Variants in ULK4 observed in about 807,000 individuals in gnomAD.
The protein encoded by ULK4 is unc-51 like kinase 4, also known as inactive serine/threonine-protein kinase ULK4.
A neutral mutation model predicts 160.6 loss-of-function variants in ULK4; 133 were observed. The ratio of observed to expected loss-of-function variants is 0.83; its 90% CI spans 0.72 to 0.96. The LOEUF (loss-of-function observed/expected upper bound fraction) is 0.96. Among genes scored for constraint, ULK4 ranks in the 40% least tolerant of loss-of-function variants. ULK4 has a pLI of 0.00. For missense variants in ULK4, 1,580 were observed against 1,499.5 expected, an observed-to-expected ratio of 1.05 and a Z score of -0.89; for synonymous variants, 534 against 539.8, an observed-to-expected ratio of 0.99 and a Z score of 0.15.
intron 30 of ULK4, among the ~76,000 whole-genome samples, chr3:41,656,642 CTGTA>C (rs767505586): frequency 6.6e-6 from 1 of 152,130 alleles, no homozygotes; most frequent in Non-Finnish European, 1.5e-5. Context: ...AGACAGGTGA[CTGTA>C]TGGCCAGAAG....
At chr3:41,673,944 G>C (rs796406272) in intron 29 of ULK4, among the ~76,000 whole-genome samples, 60 of 152,172 alleles carry the variant, frequency 3.9e-4, no homozygotes, top group African/African-American at 1.4e-3. Flanking sequence ...TCACTGAGGG[G>C]CGGGAATTTA....
At chr3:41,307,378 T>A (rs2079967942) in intron 35 of ULK4, among the ~76,000 whole-genome samples, 1 of 152,182 alleles carries the variant, frequency 6.6e-6, no homozygotes, top group African/African-American at 2.4e-5. Context: ...TAGGTGCTTT[T>A]TTCTTTTAAA....
chr3:41,256,955 A>G (rs115659718), intron 35 of ULK4, among the ~76,000 whole-genome samples: 3,068 of 152,294 alleles, frequency 0.02, 98 homozygotes, highest in African/African-American at 0.07. Flanking sequence ...CCTGGGCTCA[A>G]GCAATCTTCT....
chr3:41,519,264 C>T (rs963133210), intron 32 of ULK4, among the ~76,000 whole-genome samples: 5 of 152,144 alleles, frequency 3.3e-5, no homozygotes, highest in African/African-American at 1.2e-4. Flanking sequence ...CAGCAAGCAC[C>T]TCCTCTGTGC....
rs965737573 is a variant in ULK4 at position 41,495,805 on chromosome 3, G to A, written c.3227-32552C>T. ...ACACTTCTCAAAAGAAGACATTTACGCAGCCAAAAGACACATGAAAAAATG... is the reference window on the plus strand; with the variant it reads ...ACACTTCTCAAAAGAAGACATTTACACAGCCAAAAGACACATGAAAAAATG... On this transcript the variant is annotated intron_variant, in intron 32 of 36. Transcript: ENST00000301831. Among the ~76,000 whole-genome samples, 5 of 151,688 alleles carry A rather than the reference G, an allele frequency of 3.3e-5. No homozygotes were observed. The East Asian group carries it at 7.7e-4, about 23-fold the overall frequency.
At chr3:41,661,515 GATAGATAGATAGATAA>G (rs2035163983) in intron 30 of ULK4, among the ~76,000 whole-genome samples, 3 of 150,164 alleles carry the variant, frequency 2.0e-5, no homozygotes, top group African/African-American at 7.4e-5. Flanking sequence ...ATAGATGATA[GATAGATAGATAGATAA>G]ATAGATAGAT....
intron 3 of ULK4, 39 bp from the exon 4 acceptor site, chr3:41,935,979 T>A: frequency 6.4e-7 from 1 of 1,551,508 alleles, no homozygotes. Flanking sequence ...TTCAACCCCC[T>A]ACCATCACAG....
chr3:41,709,915 G>A (rs1461094755), intron 25 of ULK4, among the ~76,000 whole-genome samples: 1 of 152,074 alleles, frequency 6.6e-6, no homozygotes, highest in Admixed American at 6.6e-5. Context: ...TCCCTTCTGT[G>A]TAATTCTCTT....
In ULK4 at chr3:41,463,235, C is replaced by G; in HGVS notation, c.3245G>C (p.Cys1082Ser). 2.5e-6 allele frequency: 4 copies of G among 1,613,188 alleles called. No individual in the cohort carries two copies. Among genetic ancestry groups the G allele is most frequent in the Non-Finnish European group, 3.4e-6 (4 of 1,179,428 alleles). ...LYEQGLVSHI[C>S]NLLTETATLC... ...TGTGGCAGTTTCAGTGAGCAGGTTA[C>G]AGATGTGACTGACAAGTCCTGAGGG... is the stretch of plus-strand genomic sequence containing the variant. The change falls in exon 33 of 37, where the codon TGT (cysteine) becomes TCT (serine). Residue 1082 changes from cysteine (C) to serine (S), a missense_variant. Coordinates refer to ENST00000301831, the MANE Select transcript of ULK4 (RefSeq NM_017886.4).
intron 20 of ULK4, among the ~76,000 whole-genome samples, chr3:41,793,035 T>C (rs1265879928): frequency 1.3e-5 from 2 of 152,152 alleles, no homozygotes; most frequent in African/African-American, 4.8e-5. Flanking sequence ...TAGCCGCACC[T>C]GCTGGCGGGT....
intron 32 of ULK4, among the ~76,000 whole-genome samples, chr3:41,499,963 G>A (rs1370434031): frequency 1.3e-5 from 2 of 152,086 alleles, no homozygotes; most frequent in African/African-American, 4.8e-5. Flanking sequence ...CAAATTTACT[G>A]ATATAATATT....
chr3:41,314,453 T>G (rs1453366222), intron 35 of ULK4, among the ~76,000 whole-genome samples: 3 of 152,210 alleles, frequency 2.0e-5, no homozygotes, highest in Non-Finnish European at 4.4e-5. Context: ...CATGTGATAT[T>G]TGACTTTCTG....
At chr3:41,845,788 A>T (rs1242018980) in intron 17 of ULK4, among the ~76,000 whole-genome samples, 1 of 152,190 alleles carries the variant, frequency 6.6e-6, no homozygotes, top group South Asian at 2.1e-4. Context: ...TCTCATGTTG[A>T]AATTTGATCC....
At chr3:41,687,298 A>C (rs1408161879) in intron 27 of ULK4, among the ~76,000 whole-genome samples, 1 of 152,026 alleles carries the variant, frequency 6.6e-6, no homozygotes, top group Non-Finnish European at 1.5e-5. Context: ...ACTTGAACCC[A>C]GGAAGCAGAG....
chr3:41,254,951 AG>A (rs1393146493), intron 35 of ULK4, among the ~76,000 whole-genome samples: 4 of 152,064 alleles, frequency 2.6e-5, no homozygotes, highest in Non-Finnish European at 1.5e-5. Flanking sequence ...CAAACTGGGA[AG>A]AAAACAAGAG....
At chr3:41,681,892 C>A (rs1293766553) in intron 27 of ULK4, 88 bp from the exon 28 acceptor site, 1 of 1,460,394 alleles carries the variant, frequency 6.8e-7, no homozygotes, top group Non-Finnish European at 9.5e-7. Context: ...CAGACAGAAT[C>A]CCTAATCAAA....
chr3:41,772,281 G>C (rs1430153736), intron 21 of ULK4, among the ~76,000 whole-genome samples: 3 of 152,110 alleles, frequency 2.0e-5, no homozygotes, highest in Non-Finnish European at 4.4e-5. Context: ...GAATCCAGGA[G>C]CTGGTTTTTT....
chr3:41,854,988 C>G lies in ULK4; in HGVS notation c.1657-19017G>C, dbSNP rs144304633. ...AAAAAAAAAAAAACTATCGGGATCACAAGAGATAACAATGCATACGTCATC... is the reference window on the plus strand; with the variant it reads ...AAAAAAAAAAAAACTATCGGGATCAGAAGAGATAACAATGCATACGTCATC... On this transcript the variant is annotated intron_variant, in intron 17 of 36. Coordinates refer to ENST00000301831, the MANE Select transcript of ULK4 (RefSeq NM_017886.4). The G allele has an allele frequency of 6.9e-5, 10 of 144,134 alleles. No individual in the cohort carries two copies. The East Asian group carries it at 2.1e-3, about 30-fold the overall frequency. The allele number at this position is 144,134 out of a possible 1,614,324, so 8.9% of individuals were successfully genotyped here.
At chr3:41,781,868 G>A (rs1283919834) in intron 21 of ULK4, among the ~76,000 whole-genome samples, 3 of 152,130 alleles carry the variant, frequency 2.0e-5, no homozygotes, top group African/African-American at 7.2e-5. Context: ...GAACCCGGGA[G>A]GCGGAGGTTG....
Sources: allele counts gnomAD v4.1 joint callset (sites outside exome capture counted in the v4.1 genomes callset), GRCh38; gene constraint gnomAD v4.1.1; transcripts MANE v1.5; gene names NCBI Gene and HGNC (gene_info 2026-07-23, HGNC 2026-07-21).